FANCI: variants seen among roughly 807,000 people sequenced by gnomAD.
FANCI encodes Fanconi anemia group I protein.
Under a neutral mutation model 176.1 loss-of-function variants are expected in FANCI, and 156 were observed. The observed-to-expected ratio is 0.89, with a 90% CI of 0.78 to 1.01. The LOEUF is 1.01. Ranked by LOEUF, FANCI falls within the 50% of genes least tolerant of loss-of-function variation. The pLI is 0.00. For missense variants in FANCI, 1,678 were observed against 1,534.1 expected, an observed-to-expected ratio of 1.09 and a Z score of -1.57; for synonymous variants, 613 against 541.7, an observed-to-expected ratio of 1.13 and a Z score of -1.83.
At chr15:89,297,933 T>G (rs995981681) in intron 24 of FANCI, among the ~76,000 whole-genome samples, 1 of 152,114 alleles carries the variant, frequency 6.6e-6, no homozygotes, top group East Asian at 1.9e-4. Context: ...TATAAAATGT[T>G]ATGCTATTAT....
At chr15:89,308,650 A>G (rs2054824433) in intron 34 of FANCI, among the ~76,000 whole-genome samples, 1 of 152,178 alleles carries the variant, frequency 6.6e-6, no homozygotes. Flanking sequence ...CCTCCCTTTA[A>G]GAATCAGCAA....
At chr15:89,281,914 TACC>T in intron 16 of FANCI, 79 bp downstream of exon 16, 1 of 1,253,164 alleles carries the variant, frequency 8.0e-7, no homozygotes, top group Non-Finnish European at 1.2e-6. Flanking sequence ...CATCTCCTAG[TACC>T]ACCTGTTCAC....
rs75011618 is a variant in FANCI at position 89,280,355 on chromosome 15, T to G, written c.1382-815T>G. Among the ~76,000 whole-genome samples, 1,124 of 152,316 alleles carry G rather than the reference T, an allele frequency of 7.4e-3. 7 individuals carry two copies. Among genetic ancestry groups the G allele is most frequent in the African/African-American group, 0.025 (1,045 of 41,568 alleles). Reference sequence around the variant, plus strand: ...CTCTTTATCCTGGCACTGAAGGTGCTTGACAAGTTGATCCCACCCTACCTT... The same window carrying G: ...CTCTTTATCCTGGCACTGAAGGTGCGTGACAAGTTGATCCCACCCTACCTT... On this transcript the variant is annotated intron_variant, in intron 14 of 37. Transcript: ENST00000310775.
chr15:89,281,981 T>TTGCTAAG, intron 16 of FANCI, 146 bp downstream of exon 16: 1 of 749,148 alleles, frequency 1.3e-6, no homozygotes, highest in African/African-American at 1.7e-5. Context: ...ATAAGGCATT[T>TTGCTAAG]TGCTAAGTGC....
intron 1 of FANCI, among the ~76,000 whole-genome samples, chr15:89,246,490 T>G (rs1567133658): frequency 6.6e-6 from 1 of 152,208 alleles, no homozygotes; most frequent in African/African-American, 2.4e-5. Flanking sequence ...AGCCTATCTT[T>G]CCAGACTTCC....
chr15:89,289,406 G>T (rs1188417081), intron 18 of FANCI, among the ~76,000 whole-genome samples: 2 of 151,958 alleles, frequency 1.3e-5, no homozygotes, highest in Non-Finnish European at 2.9e-5. Flanking sequence ...CCCAGTTTAA[G>T]CGATTCTCCT....
intron 10 of FANCI, among the ~76,000 whole-genome samples, chr15:89,272,321 T>C (rs1368919375): frequency 2.0e-5 from 3 of 152,330 alleles, no homozygotes; most frequent in African/African-American, 7.2e-5. Flanking sequence ...TAAAATTCTT[T>C]GTATATTCTA....
At chr15:89,257,061 C>G (rs1211883463) in intron 2 of FANCI, among the ~76,000 whole-genome samples, 1 of 152,128 alleles carries the variant, frequency 6.6e-6, no homozygotes. Flanking sequence ...TGCCCGCCAC[C>G]ACGCCCGGCT....
At chr15:89,313,926 C>CACACACAT (rs1364757336) in intron 35 of FANCI, among the ~76,000 whole-genome samples, 1 of 146,536 alleles carries the variant, frequency 6.8e-6, no homozygotes, top group East Asian at 2.0e-4. Context: ...CACACACACA[C>CACACACAT]GTAGGACCTA....
chr15:89,250,601 G>T (rs889877748), intron 2 of FANCI, among the ~76,000 whole-genome samples: 8 of 151,090 alleles, frequency 5.3e-5, no homozygotes, highest in Non-Finnish European at 1.0e-4. Context: ...TGTAAATGAC[G>T]AGTTAATGGG....
At chr15:89,253,610 A>T (rs1384214523) in intron 2 of FANCI, among the ~76,000 whole-genome samples, 1 of 152,186 alleles carries the variant, frequency 6.6e-6, no homozygotes, top group African/African-American at 2.4e-5. Flanking sequence ...AAAGCTTTCT[A>T]ACTGTCATAC....
rs199502679 is a variant in FANCI, at chr15:89,306,130, G to T, written c.3473G>T (p.Cys1158Phe). The stretch of plus-strand genomic sequence containing the variant: ...CAGACAGCTCTGCCATCAGGCAGCT[G>T]TGTGGACACCTTGTTAAAGGACTTG... ...LVQTALPSGS[C>F]VDTLLKDLCK... Residue 1158 changes from cysteine to phenylalanine, a missense_variant, in exon 32 of 38, where the codon TGT becomes TTT. Physicochemically the swap from Cys to Phe is radical, Grantham distance 205 (BLOSUM62 -2). Around this residue, in one of 3 missense-constraint regions of FANCI, gnomAD observed 1,204 missense variants for 1,077.4 expected, o/e 1.12. Transcript: ENST00000310775. The T allele has an allele frequency of 5.4e-5, 87 of 1,614,176 alleles. No individual in the cohort carries two copies. In the Middle Eastern group the frequency reaches 8.2e-4, roughly 15 times the overall value.
At chr15:89,250,714 A>ATAT (rs1567136289) in intron 2 of FANCI, among the ~76,000 whole-genome samples, 2 of 149,982 alleles carry the variant, frequency 1.3e-5, no homozygotes, top group African/African-American at 4.9e-5. Flanking sequence ...TATATATATA[A>ATAT]AAATAAAAAA....
Position 89,285,251 on chromosome 15 carries a change from A to C in FANCI, c.1821+33A>C, listed in dbSNP as rs150900544. On this transcript the variant is annotated intron_variant, in intron 18 of 37. Coordinates refer to ENST00000310775, the MANE Select transcript of FANCI (RefSeq NM_001113378.2). ...CGTAGAATGGAAAGAATGTAGCAAA[A>C]CCCCAACTAATAATTTTTATTTTAG... 2.1e-3 allele frequency: 3,401 copies of C among 1,612,332 alleles called. 36 individuals are homozygous for C. The highest frequency in any genetic ancestry group is 0.015 in the East Asian group (650 of 44,816).
chr15:89,299,406 G>C (rs915287994), intron 24 of FANCI, among the ~76,000 whole-genome samples: 3 of 152,098 alleles, frequency 2.0e-5, no homozygotes, highest in Non-Finnish European at 4.4e-5. Flanking sequence ...AATGAGGTCA[G>C]CATTACCCTG....
At chr15:89,276,667 C>G in intron 12 of FANCI, 44 bp from the exon 13 acceptor site, 1 of 1,607,480 alleles carries the variant, frequency 6.2e-7, no homozygotes, top group Non-Finnish European at 8.5e-7. Context: ...GTAAGAATAT[C>G]TCACTAAGTT....
intron 2 of FANCI, among the ~76,000 whole-genome samples, chr15:89,249,845 A>G (rs1251346067): frequency 6.6e-6 from 1 of 152,220 alleles, no homozygotes; most frequent in African/African-American, 2.4e-5. Flanking sequence ...CACAGATTGT[A>G]AAGAGGTGGA....
chr15:89,292,415 T>C (rs1457962610), intron 20 of FANCI, among the ~76,000 whole-genome samples: 2 of 152,160 alleles, frequency 1.3e-5, no homozygotes, highest in Non-Finnish European at 2.9e-5. Context: ...ACCACCTAGC[T>C]CCAGGGTTAT....
chr15:89,292,492 G>A (rs570998490), intron 20 of FANCI, among the ~76,000 whole-genome samples, 196 bp from the exon 21 acceptor site: 11 of 152,202 alleles, frequency 7.2e-5, no homozygotes, highest in East Asian at 5.8e-4. Context: ...GCCAATTTTC[G>A]GGGGGAAGCA....
Sources: allele counts gnomAD v4.1 joint callset (sites outside exome capture counted in the v4.1 genomes callset), GRCh38; gene constraint gnomAD v4.1.1; regional missense constraint gnomAD v4.1.1; transcripts MANE v1.5; gene names NCBI Gene and HGNC (gene_info 2026-07-23, HGNC 2026-07-21).